The following NTM variants were observed in gnomAD, a reference collection of about 807,000 sequenced individuals.
NTM encodes the protein neurotrimin.
A neutral mutation model predicts 42.1 loss-of-function variants in NTM; 13 were observed. That is an observed-to-expected ratio of 0.31 (90% CI 0.20 to 0.49). The LOEUF is 0.49. Among genes scored for constraint, NTM ranks in the 20% least tolerant of loss-of-function variants. The probability of loss-of-function intolerance (pLI) is 0.99; values close to 1 mark genes in which losing one functional copy is unlikely to be tolerated. For synonymous variants in NTM, 187 were observed against 179.2 expected (o/e 1.04, Z -0.35); for missense variants, 373 against 452.8 (o/e 0.82, Z 1.60).
rs545725801 is a variant in NTM at position 131,546,267 on chromosome 11, C to CTAAA, written c.82+175380_82+175383dup. The stretch of plus-strand genomic sequence containing the variant: ...GCTTTCTGTATGCATCTGTAACAAA[C>CTAAA]TAAACCCGGTTCTTCTTTGCCTCAA... On this transcript the variant is annotated intron_variant, in intron 1 of 8. Coordinates refer to ENST00000683400, the MANE Select transcript of NTM (RefSeq NM_001352005.2). Among the ~76,000 whole-genome samples, 273 of 152,248 alleles carry CTAAA rather than the reference C, an allele frequency of 1.8e-3. 1 individual carries two copies. Among genetic ancestry groups the CTAAA allele is most frequent in the African/African-American group, 5.6e-3 (232 of 41,530 alleles).
At chr11:132,193,635 GATAACAGAAGAAAAGAA>G (rs1352401588) in intron 3 of NTM, among the ~76,000 whole-genome samples, 1 of 151,824 alleles carries the variant, frequency 6.6e-6, no homozygotes, top group Non-Finnish European at 1.5e-5. Flanking sequence ...AAACGCCAAA[GATAACAGAAGAAAAGAA>G]ATAACCAAAA....
intron 3 of NTM, among the ~76,000 whole-genome samples, chr11:132,167,156 G>A (rs2075402431): frequency 6.6e-6 from 1 of 152,006 alleles, no homozygotes. Flanking sequence ...TATATGACTG[G>A]CATGTACAAT....
At chr11:131,702,688 C>A (rs1291343377) in intron 1 of NTM, among the ~76,000 whole-genome samples, 8 of 152,114 alleles carry the variant, frequency 5.3e-5, no homozygotes, top group Non-Finnish European at 1.0e-4. Flanking sequence ...TGTTTTAAGG[C>A]AATTTTAAAC....
intron 1 of NTM, among the ~76,000 whole-genome samples, chr11:131,772,434 G>A (rs2086261227): frequency 6.6e-6 from 1 of 152,164 alleles, no homozygotes; most frequent in African/African-American, 2.4e-5. Context: ...ACCTAATCAG[G>A]TCAACCCTGT....
intron 1 of NTM, among the ~76,000 whole-genome samples, chr11:131,894,274 G>GAACT (rs2051875327): frequency 2.0e-5 from 3 of 152,178 alleles, no homozygotes; most frequent in African/African-American, 7.2e-5. Flanking sequence ...GTTCAGGCTT[G>GAACT]GTCTATAAAG....
intron 1 of NTM, among the ~76,000 whole-genome samples, chr11:131,799,478 C>T (rs923080004): frequency 2.0e-5 from 3 of 152,102 alleles, no homozygotes; most frequent in East Asian, 1.9e-4. Context: ...TGGGGCCATA[C>T]GTAGGGTAGG....
intron 1 of NTM, among the ~76,000 whole-genome samples, chr11:131,542,736 T>C (rs1280590193): frequency 6.6e-6 from 1 of 152,080 alleles, no homozygotes; most frequent in Non-Finnish European, 1.5e-5. Flanking sequence ...GAGCACACCA[T>C]TGTCTATATC....
intron 2 of NTM, among the ~76,000 whole-genome samples, chr11:132,088,653 T>C (rs367897211): frequency 6.6e-6 from 1 of 152,196 alleles, no homozygotes; most frequent in Non-Finnish European, 1.5e-5. Flanking sequence ...CCAGTGCGCA[T>C]GTGGGCCCTT....
At chr11:131,401,854 A>ATATATT (rs1193476834) in intron 1 of NTM, among the ~76,000 whole-genome samples, 1 of 98,206 alleles carries the variant, frequency 1.0e-5, no homozygotes, top group Non-Finnish European at 2.1e-5. Context: ...ATATATATAT[A>ATATATT]TATATATTTT....
chr11:132,172,931 G>A (rs915648665), intron 3 of NTM, among the ~76,000 whole-genome samples: 1 of 152,214 alleles, frequency 6.6e-6, no homozygotes, highest in Non-Finnish European at 1.5e-5. Flanking sequence ...ATCAATGTAG[G>A]AGGAAACCAG....
intron 1 of NTM, among the ~76,000 whole-genome samples, chr11:131,739,643 A>G (rs2080928518): frequency 6.6e-6 from 1 of 152,196 alleles, no homozygotes; most frequent in Non-Finnish European, 1.5e-5. Flanking sequence ...TCAGCCATAG[A>G]GCAACCTACC....
chr11:132,017,265 T>C (rs1347417779), intron 2 of NTM, among the ~76,000 whole-genome samples: 1 of 152,044 alleles, frequency 6.6e-6, no homozygotes, highest in African/African-American at 2.4e-5. Context: ...AATATCACAA[T>C]GTTAGTTCAT....
chr11:132,206,213 TA>T, intron 3 of NTM, among the ~76,000 whole-genome samples: 1 of 152,350 alleles, frequency 6.6e-6, no homozygotes, highest in East Asian at 1.9e-4. Flanking sequence ...AATAAATTTT[TA>T]AAAAATTACG....
chr11:131,957,366 C>T lies in NTM; in HGVS notation c.167+45718C>T, dbSNP rs1445976878. ...TGAAGGGAAGTAATGCAACTTGGCCCAGTCTCTGGGTTTATCCCAGAAAGC... is the reference window on the plus strand; with the variant it reads ...TGAAGGGAAGTAATGCAACTTGGCCTAGTCTCTGGGTTTATCCCAGAAAGC... On this transcript the variant is annotated intron_variant, in intron 2 of 8. Transcript: ENST00000683400. Among the ~76,000 whole-genome samples, 7 of 152,302 alleles carry T rather than the reference C, an allele frequency of 4.6e-5. No individual in the cohort carries two copies. The South Asian group carries it at 6.2e-4, about 14-fold the overall frequency.
At chr11:132,257,144 A>G (rs1050093023) in intron 4 of NTM, among the ~76,000 whole-genome samples, 2 of 152,212 alleles carry the variant, frequency 1.3e-5, no homozygotes, top group Non-Finnish European at 2.9e-5. Context: ...TGCATGAAGC[A>G]CGCTTACAAG....
intron 2 of NTM, among the ~76,000 whole-genome samples, chr11:132,045,657 C>A (rs983428985): frequency 6.6e-6 from 1 of 152,146 alleles, no homozygotes; most frequent in Non-Finnish European, 1.5e-5. Context: ...AATATGAGTA[C>A]AGCTAGATCA....
intron 1 of NTM, among the ~76,000 whole-genome samples, chr11:131,402,322 A>G (rs1945335330): frequency 6.6e-6 from 1 of 152,020 alleles, no homozygotes; most frequent in African/African-American, 2.4e-5. Flanking sequence ...TCAGCAGTTT[A>G]TACTGAGGTG....
chr11:131,860,359 C>A (rs1273112925), intron 1 of NTM, among the ~76,000 whole-genome samples: 1 of 152,154 alleles, frequency 6.6e-6, no homozygotes, highest in Admixed American at 6.5e-5. Flanking sequence ...TCTGAAGGAA[C>A]CCATGTGAGA....
At chr11:131,429,732 A>G (rs375161515) in intron 1 of NTM, among the ~76,000 whole-genome samples, 13 of 152,258 alleles carry the variant, frequency 8.5e-5, no homozygotes, top group African/African-American at 2.9e-4. Flanking sequence ...TCCTGTCTCC[A>G]TATCACCAGG....
Sources: gnomAD v4.1 joint callset for allele counts (sites outside exome capture counted in the v4.1 genomes callset) on GRCh38, gnomAD v4.1.1 for gene constraint, MANE v1.5 for transcripts, NCBI Gene and HGNC (gene_info 2026-07-23, HGNC 2026-07-21) for gene names.